CERT1: variants seen among roughly 807,000 people sequenced by gnomAD.
CERT1 encodes ceramide transfer protein.
Under a neutral mutation model 87.9 loss-of-function variants are expected in CERT1, and 31 were observed. The observed-to-expected ratio is 0.35, with a 90% CI of 0.27 to 0.48. The LOEUF is 0.48. Among genes scored for constraint, CERT1 ranks in the 20% least tolerant of loss-of-function variants. CERT1 has a pLI of 0.99. For synonymous variants in CERT1, 289 were observed against 250.9 expected, an observed-to-expected ratio of 1.15 and a Z score of -1.44; for missense variants, 487 against 758.0, an observed-to-expected ratio of 0.64 and a Z score of 4.20.
At chr5:75,454,697 T>C (rs1045964738) in intron 3 of CERT1, among the ~76,000 whole-genome samples, 2 of 152,188 alleles carry the variant, frequency 1.3e-5, no homozygotes, top group African/African-American at 4.8e-5. Flanking sequence ...GCTGATCCTC[T>C]TACAACTACA....
intron 7 of CERT1, among the ~76,000 whole-genome samples, chr5:75,415,045 C>T (rs1001291957): frequency 2.6e-5 from 4 of 152,094 alleles, no homozygotes; most frequent in East Asian, 1.9e-4. Context: ...TACACACACA[C>T]ACACACACAC....
chr5:75,427,678 A>G (rs955832650), intron 3 of CERT1, among the ~76,000 whole-genome samples: 8 of 152,198 alleles, frequency 5.3e-5, no homozygotes, highest in African/African-American at 1.7e-4. Context: ...ACAATATATC[A>G]TATCTATCAT....
chr5:75,490,173 A>T (rs558570100), intron 2 of CERT1, among the ~76,000 whole-genome samples: 1 of 152,184 alleles, frequency 6.6e-6, no homozygotes, highest in African/African-American at 2.4e-5. Context: ...AGGGATGGGA[A>T]CATCACACGC....
intron 3 of CERT1, among the ~76,000 whole-genome samples, chr5:75,441,170 T>C (rs1011533293): frequency 1.3e-5 from 2 of 152,210 alleles, no homozygotes; most frequent in African/African-American, 2.4e-5. Context: ...CATATTTTTA[T>C]TGTACCTTTT....
At chr5:75,382,166 T>C (rs1002214956) in intron 14 of CERT1, 89 bp from the exon 15 acceptor site, 8 of 1,250,152 alleles carry the variant, frequency 6.4e-6, no homozygotes, top group African/African-American at 1.5e-5. Context: ...TAATTGAAGG[T>C]AAAATCTCTC....
intron 12 of CERT1, among the ~76,000 whole-genome samples, chr5:75,388,003 T>C (rs1446999000): frequency 6.6e-6 from 1 of 152,196 alleles, no homozygotes; most frequent in Non-Finnish European, 1.5e-5. Context: ...GAGGTGACTC[T>C]ACGGTGACTG....
chr5:75,464,574 A>C (rs533431741), intron 2 of CERT1, among the ~76,000 whole-genome samples: 1 of 151,930 alleles, frequency 6.6e-6, no homozygotes, highest in Admixed American at 6.6e-5. Context: ...TAAAGACTTG[A>C]GCAGTGTTTT....
chr5:75,398,404 G>A (rs1343936346), intron 11 of CERT1, among the ~76,000 whole-genome samples: 1 of 152,068 alleles, frequency 6.6e-6, no homozygotes, highest in East Asian at 1.9e-4. Context: ...TATGTGTCAG[G>A]TTCTAGCTAA....
chr5:75,382,164 G>A, intron 14 of CERT1, 87 bp from the exon 15 acceptor site: 1 of 1,268,602 alleles, frequency 7.9e-7, no homozygotes, highest in Non-Finnish European at 1.1e-6. Flanking sequence ...CTTAATTGAA[G>A]GTAAAATCTC....
chr5:75,449,932 A>C (rs139967579), intron 3 of CERT1, among the ~76,000 whole-genome samples: 2 of 152,248 alleles, frequency 1.3e-5, no homozygotes, highest in African/African-American at 4.8e-5. Context: ...TCTTTTTGAC[A>C]TAATATCTTG....
At chr5:75,498,043 GA>G (rs1262837928) in intron 2 of CERT1, among the ~76,000 whole-genome samples, 1 of 152,302 alleles carries the variant, frequency 6.6e-6, no homozygotes, top group East Asian at 1.9e-4. Flanking sequence ...AACTTGTTGG[GA>G]ACTGGAGCAA....
chr5:75,472,367 C>T (rs890782611), intron 2 of CERT1, among the ~76,000 whole-genome samples: 1 of 152,012 alleles, frequency 6.6e-6, no homozygotes, highest in Non-Finnish European at 1.5e-5. Context: ...ATTGGTCTGG[C>T]AAGAATTTTT....
chr5:75,433,999 C>G (rs115114367), intron 3 of CERT1, among the ~76,000 whole-genome samples: 3 of 152,056 alleles, frequency 2.0e-5, no homozygotes, highest in Non-Finnish European at 4.4e-5. Context: ...CTTGACTTAT[C>G]GTTCTGGCTA....
At chr5:75,460,648 C>T (rs184155054) in intron 2 of CERT1, among the ~76,000 whole-genome samples, 90 of 152,278 alleles carry the variant, frequency 5.9e-4, no homozygotes, top group East Asian at 1.2e-3. Context: ...GAAAAGAATC[C>T]GCTCTGGGCA....
At chr5:75,480,103 T>C (rs1191229570) in intron 2 of CERT1, among the ~76,000 whole-genome samples, 1 of 152,200 alleles carries the variant, frequency 6.6e-6, no homozygotes, top group Non-Finnish European at 1.5e-5. Context: ...GACAACCCCT[T>C]GGCCCTTTGC....
chr5:75,484,288 C>T (rs368434850), intron 2 of CERT1, among the ~76,000 whole-genome samples: 12 of 148,452 alleles, frequency 8.1e-5, no homozygotes, highest in African/African-American at 2.2e-4. Flanking sequence ...AGAGAATCAC[C>T]GGCACACGAA....
intron 2 of CERT1, among the ~76,000 whole-genome samples, chr5:75,487,325 T>C (rs772151968): frequency 7.9e-5 from 12 of 152,046 alleles, no homozygotes; most frequent in Non-Finnish European, 1.8e-4. Context: ...TACATTAAAA[T>C]CATATCAAAT....
At chr5:75,372,558 T>C (rs1378598772) in intron 17 of CERT1, 1 of 152,214 alleles carries the variant, frequency 6.6e-6, no homozygotes, top group Admixed American at 6.5e-5. Flanking sequence ...ATGCACATCA[T>C]TTACAGAAAG....
intron 3 of CERT1, among the ~76,000 whole-genome samples, chr5:75,432,776 C>T (rs1251330813): frequency 6.6e-6 from 1 of 152,212 alleles, no homozygotes; most frequent in Non-Finnish European, 1.5e-5. Flanking sequence ...TTCACCAAGG[C>T]CTATGCCTAG....
Sources: allele counts gnomAD v4.1 joint callset (sites outside exome capture counted in the v4.1 genomes callset), GRCh38; gene constraint gnomAD v4.1.1; transcripts MANE v1.5; gene names NCBI Gene and HGNC (gene_info 2026-07-23, HGNC 2026-07-21).